The following HIVEP3 variants were observed in gnomAD, a reference collection of about 807,000 sequenced individuals.
HIVEP3 encodes the protein HIVEP zinc finger 3, also known as transcription factor HIVEP3.
A neutral mutation model predicts 152.8 loss-of-function variants in HIVEP3; 49 were observed. The ratio of observed to expected loss-of-function variants is 0.32; its 90% CI spans 0.26 to 0.41. The LOEUF is 0.41. Among genes scored for constraint, HIVEP3 ranks in the 10% least tolerant of loss-of-function variants. The probability of loss-of-function intolerance (pLI) is 1.00; values close to 1 mark genes in which losing one functional copy is unlikely to be tolerated. For missense variants in HIVEP3, 2,790 were observed against 3,103.3 expected, an observed-to-expected ratio of 0.90 and a Z score of 2.40; for synonymous variants, 1,269 against 1,289.0, an observed-to-expected ratio of 0.98 and a Z score of 0.33.
At chr1:41,788,392 G>C (rs975443080) in intron 1 of HIVEP3, among the ~76,000 whole-genome samples, 1 of 152,218 alleles carries the variant, frequency 6.6e-6, no homozygotes, top group Admixed American at 6.5e-5. Flanking sequence ...GCTCAGAGAG[G>C]CGAAGTGGCC....
chr1:42,004,665 C>T (rs1422053398), intron 1 of HIVEP3, among the ~76,000 whole-genome samples: 2 of 152,206 alleles, frequency 1.3e-5, no homozygotes, highest in Admixed American at 6.5e-5. Context: ...CCTAAAAATA[C>T]ACCATGGAAC....
At chr1:41,641,383 G>T (rs970491695) in intron 2 of HIVEP3, among the ~76,000 whole-genome samples, 1 of 152,188 alleles carries the variant, frequency 6.6e-6, no homozygotes, top group Admixed American at 6.5e-5. Context: ...GGGTCCTCCG[G>T]GGACCCAGCC....
chr1:41,637,470 G>A (rs760846596), intron 2 of HIVEP3, among the ~76,000 whole-genome samples: 6 of 152,234 alleles, frequency 3.9e-5, no homozygotes, highest in African/African-American at 7.2e-5. Context: ...ACAGTCTGCC[G>A]GGTGGAAGGT....
intron 1 of HIVEP3, among the ~76,000 whole-genome samples, chr1:41,900,113 C>T (rs984578894): frequency 2.0e-5 from 3 of 152,182 alleles, no homozygotes; most frequent in African/African-American, 4.8e-5. Flanking sequence ...CAGGCCAATG[C>T]AGCCAGCTCC....
At chr1:41,650,080 T>C (rs2124010696) in intron 2 of HIVEP3, among the ~76,000 whole-genome samples, 1 of 152,068 alleles carries the variant, frequency 6.6e-6, no homozygotes, top group Admixed American at 6.5e-5. Flanking sequence ...TGGAATGTGG[T>C]GGTGACAGAG....
intron 1 of HIVEP3, among the ~76,000 whole-genome samples, chr1:42,007,008 T>A (rs2124527181): frequency 1.3e-5 from 2 of 152,340 alleles, no homozygotes; most frequent in Admixed American, 1.3e-4. Context: ...TTCTGATGAG[T>A]ACTCTCAGCA....
At chr1:41,567,857 A>C (rs1256463530) in intron 5 of HIVEP3, among the ~76,000 whole-genome samples, 1 of 152,162 alleles carries the variant, frequency 6.6e-6, no homozygotes, top group African/African-American at 2.4e-5. Flanking sequence ...CCTTCCCCAG[A>C]CCAAGCCTGC....
chr1:41,904,239 C>T (rs1352740875), intron 1 of HIVEP3, among the ~76,000 whole-genome samples: 3 of 152,108 alleles, frequency 2.0e-5, no homozygotes, highest in African/African-American at 7.2e-5. Context: ...GCCCCAGGGT[C>T]AAACAATGCA....
At chr1:41,720,918 C>T (rs1646664534) in intron 1 of HIVEP3, among the ~76,000 whole-genome samples, 2 of 152,180 alleles carry the variant, frequency 1.3e-5, no homozygotes, top group African/African-American at 4.8e-5. Context: ...ACCTGGAGGA[C>T]ATTATGCTAA....
At chr1:41,935,172 T>C (rs1398999728) in intron 1 of HIVEP3, among the ~76,000 whole-genome samples, 1 of 152,204 alleles carries the variant, frequency 6.6e-6, no homozygotes, top group Non-Finnish European at 1.5e-5. Context: ...CCAAAGACTA[T>C]GCTTAGCTAA....
rs1334927255 is a variant in HIVEP3 at position 41,583,877 on chromosome 1, G to C, written c.921C>G (p.Leu307=). The change falls in exon 4 of 9, where the codon CTC becomes CTG. Residue 307 remains leucine (L), a synonymous_variant. Coordinates refer to ENST00000372583, the MANE Select transcript of HIVEP3 (RefSeq NM_024503.5). This position sits in a 1 kb window ranked among gnomAD's most constrained non-coding sequence, Gnocchi z 6.9. ...TCCCAGAGCTGTATAGCCCGCTGGAGAGAAGGGGCTGCTTGGGTCTTGGGG... is the reference window on the plus strand; with the variant it reads ...TCCCAGAGCTGTATAGCCCGCTGGACAGAAGGGGCTGCTTGGGTCTTGGGG... The part of the protein sequence containing the change: ...ELSPRPKQPL[L]SSGLYSSGSH... The C allele has an allele frequency of 6.2e-7, 1 of 1,613,890 alleles. No individual in the cohort carries two copies. Among genetic ancestry groups the C allele is most frequent in the African/African-American group, 1.3e-5 (1 of 75,044 alleles).
chr1:41,657,756 C>T (rs892866207), intron 2 of HIVEP3, among the ~76,000 whole-genome samples: 3 of 152,186 alleles, frequency 2.0e-5, no homozygotes, highest in African/African-American at 7.2e-5. Flanking sequence ...AGGCACAGGG[C>T]TAGAAAGCAG....
chr1:41,776,480 G>A (rs978602047), intron 1 of HIVEP3, among the ~76,000 whole-genome samples: 3 of 152,222 alleles, frequency 2.0e-5, no homozygotes, highest in Admixed American at 6.5e-5. Flanking sequence ...ACCAGTGGCC[G>A]TGGGACATCT....
At position 41,662,892 on chromosome 1, in the gene HIVEP3, G is replaced by A. The variant is rs1420299846; in HGVS notation, c.-720-33945C>T. ...TGCGCTCCCCGCCTTCCCCCTGGGT[G>A]CCAGCCGGGCTCCGGGAAGCCCGCG... On this transcript the variant is annotated intron_variant, in intron 2 of 8. Transcript: ENST00000372583. This position sits in a 1 kb window ranked among gnomAD's most constrained non-coding sequence, Gnocchi z 7.2. Among the ~76,000 whole-genome samples the A allele has an allele frequency of 6.6e-6, 1 of 152,102 alleles. No individual in the cohort carries two copies. Among genetic ancestry groups the A allele is most frequent in the African/African-American group, 2.4e-5 (1 of 41,446 alleles).
chr1:41,691,918 A>G (rs1558184151), intron 2 of HIVEP3, among the ~76,000 whole-genome samples: 1 of 144,940 alleles, frequency 6.9e-6, no homozygotes, highest in Admixed American at 7.0e-5. Context: ...GTCTCATTGT[A>G]TCTGTAACCT....
At chr1:41,990,209 G>A (rs1297517912) in intron 1 of HIVEP3, among the ~76,000 whole-genome samples, 1 of 110,778 alleles carries the variant, frequency 9.0e-6, no homozygotes, top group Non-Finnish European at 1.8e-5. Flanking sequence ...ATGAAATTCT[G>A]GGTTGAAAAT....
rs369336740 is a variant in HIVEP3 at position 41,510,401 on chromosome 1, C to T, written c.*50G>A. 3.9e-4 allele frequency: 541 copies of T among 1,374,556 alleles called. 2 individuals carry two copies. The highest frequency in any genetic ancestry group is 1.4e-3 in the Middle Eastern group (7 of 4,896). The allele number at this position is 1,374,556 out of a possible 1,614,324, so 85.1% of individuals were successfully genotyped here. ...ATGATTCGAGGAAAGTGGCTGGAAACGTCTGTTGCTGGACACTGGAAGCCA... is the reference window on the plus strand; with the variant it reads ...ATGATTCGAGGAAAGTGGCTGGAAATGTCTGTTGCTGGACACTGGAAGCCA... On this transcript the variant is annotated 3_prime_UTR_variant, in exon 9 of 9. Coordinates refer to ENST00000372583, the MANE Select transcript of HIVEP3 (RefSeq NM_024503.5).
rs531809814 is a variant in HIVEP3 at position 41,580,487 on chromosome 1, G to A, written c.4311C>T (p.Ser1437=). The part of the protein sequence containing the change: ...GSKRVLSPAG[S]LELTMETQQQ... ...GCTGGGTTTCCATGGTAAGTTCAAG[G>A]CTGCCAGCTGGTGAAAGGACACGTT... is the stretch of plus-strand genomic sequence containing the variant. Residue 1437 remains serine (S), a synonymous_variant, in exon 4 of 9, where the codon AGC becomes AGT. Transcript: ENST00000372583. 1.2e-6 allele frequency: 2 copies of A among 1,614,162 alleles called. No individual in the cohort carries two copies. The highest frequency in any genetic ancestry group is 1.3e-5 in the African/African-American group (1 of 75,030).
At chr1:41,626,719 A>G (rs1570144285) in intron 3 of HIVEP3, among the ~76,000 whole-genome samples, 1 of 152,294 alleles carries the variant, frequency 6.6e-6, no homozygotes, top group Non-Finnish European at 1.5e-5. Flanking sequence ...ACAAGTGCTA[A>G]GTTGAGGTAC....
Sources: gnomAD v4.1 joint callset for allele counts (sites outside exome capture counted in the v4.1 genomes callset) on GRCh38, gnomAD v4.1.1 for gene constraint, Gnocchi (gnomAD v3.1) non-coding constraint, MANE v1.5 for transcripts, NCBI Gene and HGNC (gene_info 2026-07-23, HGNC 2026-07-21) for gene names.